MYO1E: variants seen among roughly 807,000 people sequenced by gnomAD.
The protein encoded by MYO1E is myosin IE, also known as unconventional myosin-Ie.
MYO1E carries 68 observed loss-of-function variants against 151.1 expected under a neutral mutation model. That is an observed-to-expected ratio of 0.45 (90% CI 0.37 to 0.55). The LOEUF (loss-of-function observed/expected upper bound fraction) is 0.55, where lower values mean the gene tolerates loss of function less well. MYO1E is among the 20% of genes least tolerant of loss of function. MYO1E has a pLI of 0.00. For missense variants in MYO1E, 1,363 were observed against 1,389.3 expected (o/e 0.98, Z 0.30); for synonymous variants, 601 against 501.7 (o/e 1.20, Z -2.64).
At chr15:59,331,148 G>T (rs899162593) in intron 1 of MYO1E, among the ~76,000 whole-genome samples, 17 of 152,282 alleles carry the variant, frequency 1.1e-4, no homozygotes, top group African/African-American at 4.1e-4. Context: ...GAGTAGCTGT[G>T]ACAGAGACTG....
At chr15:59,219,603 G>C (rs1423218933) in intron 9 of MYO1E, among the ~76,000 whole-genome samples, 1 of 152,182 alleles carries the variant, frequency 6.6e-6, no homozygotes, top group Non-Finnish European at 1.5e-5. Flanking sequence ...CTCTATATGA[G>C]TGTTTCACAA....
rs1231691286 is a variant in MYO1E, at chr15:59,173,908, G to A, written c.2172C>T (p.Asp724=). The part of the protein sequence containing the change: ...KYVQMREEAS[D]LLLNKKERRR... ...TTCTCTCCTTCTTGTTCAATAAGAGGTCTGAGGCTACAATTCCCAAGAGGG... is the reference window on the plus strand; with the variant it reads ...TTCTCTCCTTCTTGTTCAATAAGAGATCTGAGGCTACAATTCCCAAGAGGG... The change falls in exon 21 of 28, where the codon GAC becomes GAT. Residue 724 remains aspartate, a synonymous_variant. Transcript: ENST00000288235. 12 of 1,613,968 alleles carry A rather than the reference G, an allele frequency of 7.4e-6. No individual in the cohort carries two copies. The highest frequency in any genetic ancestry group is 4.0e-5 in the African/African-American group (3 of 74,914).
chr15:59,188,767 A>C (rs1277447478), intron 17 of MYO1E, among the ~76,000 whole-genome samples: 1 of 152,158 alleles, frequency 6.6e-6, no homozygotes, highest in Non-Finnish European at 1.5e-5. Flanking sequence ...TTACATATCT[A>C]TTTCAAAGAA....
At chr15:59,372,199 C>G (rs1287801966) in intron 1 of MYO1E, among the ~76,000 whole-genome samples, 1 of 152,000 alleles carries the variant, frequency 6.6e-6, no homozygotes, top group Admixed American at 6.5e-5. Flanking sequence ...CCGTGCCCCT[C>G]GCAGCCGATG....
rs536792684 is a variant in MYO1E, at chr15:59,306,444, ACT to A, written c.4-33997_4-33996del. On this transcript the variant is annotated intron_variant, in intron 1 of 27. Coordinates refer to ENST00000288235, the MANE Select transcript of MYO1E (RefSeq NM_004998.4). ...TATATGTTTTAATGAGCATTTAAAG[ACT>A]CTATAATGTAATCATATTTTAACAT... Among the ~76,000 whole-genome samples the A allele has an allele frequency of 4.3e-3, 662 of 152,282 alleles. 4 individuals are homozygous for A. The highest frequency in any genetic ancestry group is 6.6e-3 in the Non-Finnish European group (452 of 68,026).
At chr15:59,198,103 C>G (rs1448764967) in intron 16 of MYO1E, among the ~76,000 whole-genome samples, 1 of 152,294 alleles carries the variant, frequency 6.6e-6, no homozygotes, top group East Asian at 1.9e-4. Flanking sequence ...TGGCCTCAAG[C>G]AATCTTCCCA....
intron 1 of MYO1E, among the ~76,000 whole-genome samples, chr15:59,277,624 A>G (rs58074755): frequency 0.2 from 30,158 of 151,556 alleles, 3,098 homozygotes; most frequent in African/African-American, 0.25. Flanking sequence ...TTAGGAAACT[A>G]CCTCAAGATA....
intron 1 of MYO1E, among the ~76,000 whole-genome samples, chr15:59,367,940 T>C (rs1388385643): frequency 1.3e-5 from 2 of 151,892 alleles, no homozygotes; most frequent in African/African-American, 4.8e-5. Flanking sequence ...GCCAACATGG[T>C]AAAACCCTGT....
intron 4 of MYO1E, among the ~76,000 whole-genome samples, chr15:59,252,836 A>C (rs1441357290): frequency 6.6e-6 from 1 of 152,194 alleles, no homozygotes; most frequent in African/African-American, 2.4e-5. Flanking sequence ...CGGTGAGCTG[A>C]GATCACACCA....
chr15:59,167,353 C>G (rs1455647119), intron 22 of MYO1E, among the ~76,000 whole-genome samples: 1 of 152,176 alleles, frequency 6.6e-6, no homozygotes, highest in Non-Finnish European at 1.5e-5. Context: ...AAATGAGAAG[C>G]CTCATCAGAG....
chr15:59,249,757 C>G (rs1016475830), intron 4 of MYO1E, among the ~76,000 whole-genome samples: 1 of 152,140 alleles, frequency 6.6e-6, no homozygotes, highest in Non-Finnish European at 1.5e-5. Flanking sequence ...TCTCTTCCAG[C>G]CTCCAAGAAA....
intron 2 of MYO1E, among the ~76,000 whole-genome samples, chr15:59,266,280 A>C (rs1333982593): frequency 6.6e-6 from 1 of 152,214 alleles, no homozygotes; most frequent in Non-Finnish European, 1.5e-5. Context: ...GTCTTTACCC[A>C]CATAATCCTT....
chr15:59,331,767 G>C (rs2080699581), intron 1 of MYO1E, among the ~76,000 whole-genome samples: 1 of 152,110 alleles, frequency 6.6e-6, no homozygotes, highest in African/African-American at 2.4e-5. Flanking sequence ...ATACCTGTCA[G>C]TCATTTTCAC....
intron 17 of MYO1E, among the ~76,000 whole-genome samples, chr15:59,193,238 G>A (rs1021050777): frequency 6.6e-6 from 1 of 152,094 alleles, no homozygotes. Context: ...AGGCCTCCTG[G>A]GGATCCTGAG....
chr15:59,301,861 A>G (rs1218128276), intron 1 of MYO1E, among the ~76,000 whole-genome samples: 2 of 152,250 alleles, frequency 1.3e-5, no homozygotes, highest in Admixed American at 1.3e-4. Context: ...TGAAGATGTC[A>G]TATCAATGAG....
At chr15:59,260,378 T>C (rs1376010815) in intron 3 of MYO1E, among the ~76,000 whole-genome samples, 1 of 152,240 alleles carries the variant, frequency 6.6e-6, no homozygotes, top group East Asian at 1.9e-4. Flanking sequence ...ACCAGCACCA[T>C]TCATCTGGCA....
At chr15:59,304,742 A>G (rs1469982992) in intron 1 of MYO1E, among the ~76,000 whole-genome samples, 3 of 152,244 alleles carry the variant, frequency 2.0e-5, no homozygotes, top group Non-Finnish European at 4.4e-5. Flanking sequence ...GTACAGATCA[A>G]GCGGGACCTA....
At chr15:59,199,631 A>C (rs2140332396) in intron 16 of MYO1E, among the ~76,000 whole-genome samples, 1 of 152,298 alleles carries the variant, frequency 6.6e-6, no homozygotes, top group South Asian at 2.1e-4. Flanking sequence ...CAATATAATA[A>C]GAGTTCCCAT....
At chr15:59,201,306 T>C (rs1349657320) in intron 16 of MYO1E, among the ~76,000 whole-genome samples, 2 of 151,886 alleles carry the variant, frequency 1.3e-5, no homozygotes, top group African/African-American at 2.4e-5. Context: ...ATCGCACAGG[T>C]TGGTCTCGAA....
Sources: allele counts gnomAD v4.1 joint callset (sites outside exome capture counted in the v4.1 genomes callset), GRCh38; gene constraint gnomAD v4.1.1; transcripts MANE v1.5; gene names NCBI Gene and HGNC (gene_info 2026-07-23, HGNC 2026-07-21).